The following ZBTB20 variants were observed in gnomAD, a reference collection of about 807,000 sequenced individuals.
The protein encoded by ZBTB20 is zinc finger and BTB domain-containing protein 20.
A neutral mutation model predicts 56.9 loss-of-function variants in ZBTB20; 9 were observed. That is an observed-to-expected ratio of 0.16 (90% CI 0.10 to 0.28). The LOEUF (loss-of-function observed/expected upper bound fraction) is 0.28. ZBTB20 is among the 10% of genes least tolerant of loss of function. ZBTB20 has a pLI of 1.00. For missense variants in ZBTB20, 655 were observed against 1,003.0 expected (o/e 0.65, Z 4.69); for synonymous variants, 417 against 420.7 (o/e 0.99, Z 0.11).
chr3:114,987,573 T>G (rs573476214), intron 2 of ZBTB20, among the ~76,000 whole-genome samples: 22 of 152,190 alleles, frequency 1.4e-4, no homozygotes, highest in Non-Finnish European at 3.2e-4. Context: ...TTATTACCTA[T>G]GCTCTTGCTG....
At chr3:114,664,627 A>ACG in intron 6 of ZBTB20, among the ~76,000 whole-genome samples, 1 of 150,344 alleles carries the variant, frequency 6.7e-6, no homozygotes, top group African/African-American at 2.4e-5. Context: ...ACACACACAC[A>ACG]CGTACTAGCC....
At chr3:114,883,984 G>GCC (rs757338434) in intron 4 of ZBTB20, among the ~76,000 whole-genome samples, 93,858 of 116,876 alleles carry the variant, frequency 0.8, 41,646 homozygotes, top group East Asian at 0.95. Context: ...GGAGTGCAGT[G>GCC]GCAGGATCTC....
chr3:114,585,562 C>T (rs191792216), intron 6 of ZBTB20, among the ~76,000 whole-genome samples: 2 of 152,254 alleles, frequency 1.3e-5, no homozygotes, highest in African/African-American at 4.8e-5. Context: ...TCTTTGAAAC[C>T]GTCTAATGTA....
chr3:115,114,139 C>G (rs2083956650), intron 1 of ZBTB20, among the ~76,000 whole-genome samples: 1 of 152,138 alleles, frequency 6.6e-6, no homozygotes, highest in Admixed American at 6.5e-5. Context: ...TTTGCTCTTA[C>G]TGAAGAGCAA....
At chr3:114,509,352 T>G (rs1396123609) in intron 6 of ZBTB20, among the ~76,000 whole-genome samples, 1 of 151,876 alleles carries the variant, frequency 6.6e-6, no homozygotes, top group Non-Finnish European at 1.5e-5. Flanking sequence ...TTTTCTTAAC[T>G]GTTGATACAA....
At chr3:115,088,777 T>C (rs748931957) in intron 1 of ZBTB20, among the ~76,000 whole-genome samples, 6 of 151,768 alleles carry the variant, frequency 4.0e-5, no homozygotes, top group Non-Finnish European at 7.4e-5. Context: ...CACTGAGGCA[T>C]TGATGCTGTT....
intron 2 of ZBTB20, among the ~76,000 whole-genome samples, chr3:115,028,516 T>G (rs887406425): frequency 6.6e-6 from 1 of 150,746 alleles, no homozygotes; most frequent in Non-Finnish European, 1.5e-5. Flanking sequence ...TTTTTAAAAA[T>G]GTAGTCACAA....
At chr3:114,844,371 A>ATATATATATATATATG (rs2074552734) in intron 4 of ZBTB20, among the ~76,000 whole-genome samples, 2 of 118,838 alleles carry the variant, frequency 1.7e-5, no homozygotes, top group Non-Finnish European at 3.5e-5. Flanking sequence ...ATATATATAT[A>ATATATATATATATATG]TTAGCTGAGA....
At chr3:114,927,974 T>A (rs550962799) in intron 3 of ZBTB20, among the ~76,000 whole-genome samples, 1 of 152,344 alleles carries the variant, frequency 6.6e-6, no homozygotes, top group African/African-American at 2.4e-5. Flanking sequence ...ACTATTAGGT[T>A]ATAGTGAAAA....
rs559560778 is a variant in ZBTB20 at position 114,909,760 on chromosome 3, C to T, written c.-455-9418G>A. Among the ~76,000 whole-genome samples the T allele has an allele frequency of 9.9e-5, 15 of 151,978 alleles. No individual in the cohort carries two copies. The East Asian group carries it at 2.5e-3, about 25-fold the overall frequency. ...TTCTCAGAATGTATCCCTGTCATTA[C>T]GAGATGCATGACTATATATCAAAAC... On this transcript the variant is annotated intron_variant, in intron 3 of 11. Coordinates refer to ENST00000675478, the MANE Select transcript of ZBTB20 (RefSeq NM_001348800.3).
rs1410824171 is a variant in ZBTB20, at chr3:114,706,544, CTCATT to C, written c.-342-12974_-342-12970del. 4.6e-5 allele frequency among the ~76,000 whole-genome samples: 7 copies of C among 152,222 alleles called. No individual in the cohort carries two copies. In the East Asian group the frequency reaches 1.2e-3, roughly 25 times the overall value. On this transcript the variant is annotated intron_variant, in intron 5 of 11. Coordinates refer to ENST00000675478, the MANE Select transcript of ZBTB20 (RefSeq NM_001348800.3). ...TTGACTTTTTGTGATTGCTGGCACT[CTCATT>C]TAACAGTTGGGCAAAATGGGGTTCA...
chr3:114,637,009 C>T (rs1001899814), intron 6 of ZBTB20, among the ~76,000 whole-genome samples: 3 of 151,930 alleles, frequency 2.0e-5, no homozygotes, highest in Non-Finnish European at 2.9e-5. Flanking sequence ...TCCAAGCAAA[C>T]GATAACCAAA....
chr3:115,005,448 A>T (rs1173948116), intron 2 of ZBTB20, among the ~76,000 whole-genome samples: 1 of 151,726 alleles, frequency 6.6e-6, no homozygotes, highest in Non-Finnish European at 1.5e-5. Flanking sequence ...CTAGATGTTT[A>T]GTTGCTATTA....
intron 3 of ZBTB20, among the ~76,000 whole-genome samples, chr3:114,936,899 G>C (rs958971392): frequency 6.6e-6 from 1 of 152,144 alleles, no homozygotes; most frequent in African/African-American, 2.4e-5. Context: ...ACATGATAAA[G>C]GGGAAGAGGT....
chr3:114,898,840 T>G (rs1479572189), intron 4 of ZBTB20, among the ~76,000 whole-genome samples: 1 of 152,130 alleles, frequency 6.6e-6, no homozygotes, highest in African/African-American at 2.4e-5. Context: ...TCCTCAGCAT[T>G]TAAAAGAATA....
chr3:114,614,737 T>TTTTGTTTGTTTGTTTG (rs141944007), intron 6 of ZBTB20, among the ~76,000 whole-genome samples: 1 of 150,650 alleles, frequency 6.6e-6, no homozygotes, highest in Non-Finnish European at 1.5e-5. Flanking sequence ...TGGCCACTTT[T>TTTTGTTTGTTTGTTTG]TTTGTTTGTT....
intron 4 of ZBTB20, among the ~76,000 whole-genome samples, chr3:114,899,484 G>A (rs1017917956): frequency 6.6e-5 from 10 of 151,844 alleles, no homozygotes; most frequent in African/African-American, 4.8e-5. Context: ...ATATTCTTTC[G>A]AGAAGTTGGC....
chr3:114,339,404 G>A lies in ZBTB20; in HGVS notation c.1827C>T (p.Ser609=). ...TTAAGGAGAAGGAGCGCCAACAGAT[G>A]CTGCATTGGTGGGGCTTCTCACCTG... ...VHTGEKPHQC[S]ICWRSFSLKD... The change falls in exon 12 of 12, where the codon AGC becomes AGT. Residue 609 remains serine, a synonymous_variant. Transcript: ENST00000675478. This position sits in a 1 kb window ranked among gnomAD's most constrained non-coding sequence, Gnocchi z 4.2. The A allele has an allele frequency of 6.2e-7, 1 of 1,613,574 alleles. No individual in the cohort carries two copies. Among genetic ancestry groups the A allele is most frequent in the South Asian group, 1.1e-5 (1 of 91,068 alleles).
At chr3:114,580,093 T>A (rs1015186084) in intron 6 of ZBTB20, among the ~76,000 whole-genome samples, 1 of 151,692 alleles carries the variant, frequency 6.6e-6, no homozygotes, top group Non-Finnish European at 1.5e-5. Flanking sequence ...ATTTAAAGAT[T>A]GATCTCCCCA....
Sources: allele counts gnomAD v4.1 joint callset (sites outside exome capture counted in the v4.1 genomes callset), GRCh38; gene constraint gnomAD v4.1.1; non-coding constraint Gnocchi (gnomAD v3.1); transcripts MANE v1.5; gene names NCBI Gene and HGNC (gene_info 2026-07-23, HGNC 2026-07-21).